The following ZAR1L variants were observed in gnomAD, a reference collection of about 807,000 sequenced individuals.
ZAR1L encodes zygote arrest 1 like.
In ZAR1L, 16 loss-of-function variants were observed where a neutral mutation model predicts 30.0. The observed-to-expected ratio is 0.53, with a 90% CI of 0.36 to 0.81. The LOEUF (loss-of-function observed/expected upper bound fraction) is 0.81, where lower values mean the gene tolerates loss of function less well. Among genes scored for constraint, ZAR1L ranks in the 30% least tolerant of loss-of-function variants. The pLI, the probability that ZAR1L is intolerant of heterozygous loss-of-function variation, is 0.00. For synonymous variants in ZAR1L, 197 were observed against 166.8 expected, an observed-to-expected ratio of 1.18 and a Z score of -1.40; for missense variants, 392 against 417.2, an observed-to-expected ratio of 0.94 and a Z score of 0.53.
chr13:32,307,099 C>G (rs1006263384), intron 5 of ZAR1L, among the ~76,000 whole-genome samples: 8 of 151,926 alleles, frequency 5.3e-5, no homozygotes, highest in African/African-American at 1.9e-4. Context: ...TGAATACTGA[C>G]TATACACAAT....
At position 32,303,956 on chromosome 13, in the gene ZAR1L, G is replaced by A. The variant is rs1040364867; in HGVS notation, c.889C>T (p.Arg297Ter). The A allele has an allele frequency of 3.9e-6, 6 of 1,551,888 alleles. No individual in the cohort carries two copies. The African/African-American group carries it at 4.1e-5, about 11-fold the overall frequency. The change falls in exon 6 of 6, where the codon CGA (arginine) becomes TGA (stop). Residue 297 changes from arginine to a stop codon, truncating the protein, a stop_gained. Coordinates refer to ENST00000533490, the MANE Select transcript of ZAR1L (RefSeq NM_001136571.2). LOFTEE classifies it high-confidence loss of function. ...KRHIDLRRPH[R>*]QELCGRCKDK... ...TTGCAGCGACCACACAGTTCCTGTCGATGAGGCCTCCTTAGATCAATGTGT... is the reference window on the plus strand; with the variant it reads ...TTGCAGCGACCACACAGTTCCTGTCAATGAGGCCTCCTTAGATCAATGTGT...
intron 5 of ZAR1L, among the ~76,000 whole-genome samples, chr13:32,306,733 C>G (rs1162899473): frequency 1.3e-5 from 2 of 152,062 alleles, no homozygotes; most frequent in African/African-American, 4.8e-5. Flanking sequence ...GAGTTCGAGA[C>G]AAGCCTGGCC....
At chr13:32,308,987 A>T (rs2072194599) in intron 4 of ZAR1L, among the ~76,000 whole-genome samples, 1 of 137,814 alleles carries the variant, frequency 7.3e-6, no homozygotes, top group African/African-American at 2.7e-5. Flanking sequence ...ATAAAATTGG[A>T]ATACATTTTT....
chr13:32,314,928 T>C (rs963704492), intron 1 of ZAR1L, among the ~76,000 whole-genome samples: 2 of 150,252 alleles, frequency 1.3e-5, no homozygotes, highest in South Asian at 2.1e-4. Flanking sequence ...TTAAGATGGG[T>C]TTCACAATTT....
intron 4 of ZAR1L, 76 bp from the exon 5 acceptor site, chr13:32,308,836 G>C: frequency 3.1e-6 from 3 of 976,234 alleles, no homozygotes; most frequent in Non-Finnish European, 4.7e-6. Context: ...CAGTTCTTAA[G>C]TAATCCATTG....
rs1419479125 is a variant in ZAR1L, at chr13:32,311,316, G to A, written c.610C>T (p.Pro204Ser). The A allele has an allele frequency of 3.9e-6, 6 of 1,550,324 alleles. No individual in the cohort carries two copies. The East Asian group carries it at 1.2e-4, about 32-fold the overall frequency. ...CPQETKSKQV[P>S]GDAASEPLRR... ...AGCGGCTCGGAGGCGGCGTCTCCAG[G>A]CACCTGCTTGCTCTTCGTCTCCTGA... The change falls in exon 3 of 6, where the codon CCT (proline) becomes TCT (serine). Residue 204 changes from proline (P) to serine (S), a missense_variant. By Grantham distance (74) the Pro-to-Ser change is moderately conservative. Transcript: ENST00000533490.
intron 5 of ZAR1L, among the ~76,000 whole-genome samples, chr13:32,305,893 G>T (rs2072171049): frequency 6.6e-6 from 1 of 152,194 alleles, no homozygotes; most frequent in Non-Finnish European, 1.5e-5. Context: ...AAATAACCAG[G>T]TACTGTATGT....
Position 32,311,874 on chromosome 13 carries a change from T to TTGG in ZAR1L, c.51_52insCCA (p.Ser17_Thr18insPro). On this transcript the variant is annotated inframe_insertion, in exon 3 of 6. Coordinates refer to ENST00000533490, the MANE Select transcript of ZAR1L (RefSeq NM_001136571.2). ...AGTCCAGGCTGGCCCAAAGGCACTGTGCTCCCATAACCCTGGTACAAGCCA... is the reference window on the plus strand; with the variant it reads ...AGTCCAGGCTGGCCCAAAGGCACTGTTGGGCTCCCATAACCCTGGTACAAGCCA... The TTGG allele has an allele frequency of 6.4e-7, 1 of 1,551,718 alleles. No homozygotes were observed. The highest frequency in any genetic ancestry group is 8.7e-7 in the Non-Finnish European group (1 of 1,147,000).
chr13:32,315,076 C>T (rs563256580), intron 1 of ZAR1L, among the ~76,000 whole-genome samples: 22 of 152,250 alleles, frequency 1.4e-4, no homozygotes, highest in Non-Finnish European at 3.1e-4. Context: ...AACCACACAC[C>T]GACCACTCTA....
chr13:32,310,536 A>G (rs1006717782), intron 4 of ZAR1L, 103 bp downstream of exon 4: 1 of 805,314 alleles, frequency 1.2e-6, no homozygotes, highest in Admixed American at 2.4e-5. Context: ...ACCAAGATCA[A>G]GACAGGACTA....
rs745719814 is a variant in ZAR1L, at chr13:32,311,264, G to A, written c.654+8C>T. 9 of 1,543,444 alleles carry A rather than the reference G, an allele frequency of 5.8e-6. No homozygotes were observed. The South Asian group carries it at 9.6e-5, about 16-fold the overall frequency. On this transcript the variant is annotated splice_region_variant and intron_variant, in intron 3 of 5. Transcript: ENST00000533490. ...TCGAGGACTAAGAAGAGGGAAGAGA[G>A]GATCTACCTGGAAGTTGGGCCTCCG... is the stretch of plus-strand genomic sequence containing the variant.
At chr13:32,314,175 G>A (rs1175895463) in intron 2 of ZAR1L, among the ~76,000 whole-genome samples, 155 bp downstream of exon 2, 4 of 152,040 alleles carry the variant, frequency 2.6e-5, no homozygotes, top group Non-Finnish European at 2.9e-5. Context: ...GTAAGTGGCA[G>A]CTGTTATTAG....
At chr13:32,307,245 T>C (rs2072182260) in intron 5 of ZAR1L, among the ~76,000 whole-genome samples, 1 of 152,012 alleles carries the variant, frequency 6.6e-6, no homozygotes, top group African/African-American at 2.4e-5. Context: ...GGCTTACGCC[T>C]GTAATCCCAG....
intron 5 of ZAR1L, among the ~76,000 whole-genome samples, chr13:32,305,237 C>CT (rs1026680331): frequency 7.1e-6 from 1 of 140,206 alleles, no homozygotes; most frequent in Non-Finnish European, 1.6e-5. Flanking sequence ...TTTTTTTTTT[C>CT]TTTTTTTGAG....
At chr13:32,306,860 G>C (rs1490983593) in intron 5 of ZAR1L, among the ~76,000 whole-genome samples, 1 of 143,646 alleles carries the variant, frequency 7.0e-6, no homozygotes, top group Admixed American at 7.3e-5. Context: ...GAATCCAGGA[G>C]GTGGAGATTG....
At chr13:32,306,947 A>AAAAAAAG in intron 5 of ZAR1L, among the ~76,000 whole-genome samples, 1 of 150,742 alleles carries the variant, frequency 6.6e-6, no homozygotes, top group African/African-American at 2.4e-5. Flanking sequence ...AAAAAAAAAA[A>AAAAAAAG]AAAAAAGATA....
intron 5 of ZAR1L, among the ~76,000 whole-genome samples, chr13:32,306,168 T>C (rs2072173420): frequency 6.6e-6 from 1 of 152,046 alleles, no homozygotes; most frequent in African/African-American, 2.4e-5. Context: ...GAAATACAAA[T>C]GGAAGATGGT....
chr13:32,306,186 A>G (rs916906540), intron 5 of ZAR1L, among the ~76,000 whole-genome samples: 1 of 152,246 alleles, frequency 6.6e-6, no homozygotes, highest in Non-Finnish European at 1.5e-5. Context: ...GGTTTAGTAG[A>G]TAATATTCAG....
chr13:32,311,972 T>C lies in ZAR1L; in HGVS notation c.-47A>G, dbSNP rs769341314. On this transcript the variant is annotated 5_prime_UTR_variant, in exon 3 of 6. Coordinates refer to ENST00000533490, the MANE Select transcript of ZAR1L (RefSeq NM_001136571.2). ...CAGTCTAATATCCTAGCCAGTTTGTTTGGGTCCTTATTTTGCCTTCCTCCT... is the reference window on the plus strand; with the variant it reads ...CAGTCTAATATCCTAGCCAGTTTGTCTGGGTCCTTATTTTGCCTTCCTCCT... The C allele has an allele frequency of 6.8e-7, 1 of 1,479,554 alleles. No homozygotes were observed. Among genetic ancestry groups the C allele is most frequent in the East Asian group, 2.5e-5 (1 of 40,222 alleles). 91.7% of individuals were successfully genotyped at this position (1,479,554 alleles called of 1,614,324 possible).
Sources: allele counts gnomAD v4.1 joint callset (sites outside exome capture counted in the v4.1 genomes callset), GRCh38; gene constraint gnomAD v4.1.1; transcripts MANE v1.5; gene names NCBI Gene and HGNC (gene_info 2026-07-23, HGNC 2026-07-21).